LPP: variants seen among roughly 807,000 people sequenced by gnomAD.
LPP encodes the protein lipoma-preferred partner.
LPP carries 38 observed loss-of-function variants against 60.4 expected under a neutral mutation model. That is an observed-to-expected ratio of 0.63 (90% CI 0.49 to 0.83). The LOEUF (loss-of-function observed/expected upper bound fraction) is 0.83. LPP is among the 40% of genes least tolerant of loss of function. LPP has a pLI of 0.00. For missense variants in LPP, 902 were observed against 783.6 expected (o/e 1.15, Z -1.80); for synonymous variants, 328 against 290.8 (o/e 1.13, Z -1.30).
intron 9 of LPP, among the ~76,000 whole-genome samples, chr3:188,859,396 A>G (rs754042055): frequency 6.6e-6 from 1 of 152,148 alleles, no homozygotes; most frequent in Non-Finnish European, 1.5e-5. Context: ...ACCATTCATA[A>G]GTAATTACTC....
rs568990975 is a variant in LPP, at chr3:188,800,307, G to A, written c.1410+40025G>A. On this transcript the variant is annotated intron_variant, in intron 9 of 11. Coordinates refer to ENST00000617246, the MANE Select transcript of LPP (RefSeq NM_001375462.1). ...GTCGCTCAGGCTGGGGTGCAGTGGC[G>A]CGATCTCAGCTCACTGCAAGCTCCA... Among the ~76,000 whole-genome samples, 232 of 144,728 alleles carry A rather than the reference G, an allele frequency of 1.6e-3. 1 individual carries two copies. Among genetic ancestry groups the A allele is most frequent in the South Asian group, 4.4e-3 (20 of 4,542 alleles). The allele number at this position is 144,728 out of a possible 152,430, so 94.9% of individuals were successfully genotyped here.
At chr3:188,415,031 A>G (rs553987482) in intron 4 of LPP, among the ~76,000 whole-genome samples, 5 of 152,262 alleles carry the variant, frequency 3.3e-5, no homozygotes, top group African/African-American at 9.6e-5. Flanking sequence ...AACTACTGAA[A>G]TGAGTTCCTT....
At chr3:188,855,959 G>A (rs1444395241) in intron 9 of LPP, among the ~76,000 whole-genome samples, 1 of 152,124 alleles carries the variant, frequency 6.6e-6, no homozygotes, top group African/African-American at 2.4e-5. Flanking sequence ...GTTTAGTGCT[G>A]GGGTTGGTTA....
intron 1 of LPP, among the ~76,000 whole-genome samples, chr3:188,158,178 GGGCCGCGATTAGA>G (rs1717093601): frequency 6.6e-6 from 1 of 152,086 alleles, no homozygotes; most frequent in Admixed American, 6.6e-5. Context: ...CTTTGACCCT[GGGCCGCGATTAGA>G]GGATCCAAGC....
intron 7 of LPP, among the ~76,000 whole-genome samples, chr3:188,636,204 G>T (rs947155871): frequency 6.6e-6 from 1 of 152,210 alleles, no homozygotes; most frequent in African/African-American, 2.4e-5. Context: ...TGCGCGCACC[G>T]TGTGCGAGCC....
chr3:188,795,329 A>G (rs777087900), intron 9 of LPP, among the ~76,000 whole-genome samples: 3 of 152,106 alleles, frequency 2.0e-5, no homozygotes, highest in Non-Finnish European at 4.4e-5. Context: ...ACACAATGCA[A>G]GTTTATTTTT....
chr3:188,592,557 G>GTTTGTTTTTTGTTTTTTTTTTTT (rs1260656926), intron 6 of LPP, among the ~76,000 whole-genome samples: 1 of 85,756 alleles, frequency 1.2e-5, no homozygotes, highest in African/African-American at 4.5e-5. Flanking sequence ...TTTTGTTTTT[G>GTTTGTTTTTTGTTTTTTTTTTTT]TTTTTTAAAT....
chr3:188,661,943 T>C (rs915792786), intron 7 of LPP, among the ~76,000 whole-genome samples: 2 of 152,240 alleles, frequency 1.3e-5, no homozygotes, highest in Non-Finnish European at 2.9e-5. Context: ...CTTAATTATT[T>C]TGCATTCTTA....
intron 10 of LPP, among the ~76,000 whole-genome samples, chr3:188,868,037 C>T (rs1222451471): frequency 6.6e-6 from 1 of 152,176 alleles, no homozygotes; most frequent in Non-Finnish European, 1.5e-5. Flanking sequence ...CTGAATTAGA[C>T]AAGGAAGGAC....
chr3:188,699,680 A>G (rs1863986651), intron 7 of LPP, among the ~76,000 whole-genome samples: 1 of 152,206 alleles, frequency 6.6e-6, no homozygotes, highest in Non-Finnish European at 1.5e-5. Flanking sequence ...TCTAATCCCA[A>G]GGAGCTGTGA....
At chr3:188,704,053 T>C (rs1389100288) in intron 7 of LPP, among the ~76,000 whole-genome samples, 11 of 152,096 alleles carry the variant, frequency 7.2e-5, no homozygotes, top group Admixed American at 5.9e-4. Context: ...ACTTGCACCA[T>C]TATTATTAGA....
At chr3:188,296,774 G>A (rs1362993882) in intron 2 of LPP, among the ~76,000 whole-genome samples, 1 of 152,194 alleles carries the variant, frequency 6.6e-6, no homozygotes, top group African/African-American at 2.4e-5. Flanking sequence ...GGCACACTGT[G>A]CATAAAGCTC....
At chr3:188,767,402 A>G (rs1337895351) in intron 9 of LPP, among the ~76,000 whole-genome samples, 1 of 152,210 alleles carries the variant, frequency 6.6e-6, no homozygotes. Flanking sequence ...TAATTTAAAA[A>G]TACTGAAGTA....
intron 9 of LPP, among the ~76,000 whole-genome samples, chr3:188,862,436 A>T (rs930658449): frequency 1.3e-5 from 2 of 152,168 alleles, no homozygotes; most frequent in African/African-American, 4.8e-5. Context: ...AAGATTTTTC[A>T]GAAGAGGTGA....
intron 9 of LPP, among the ~76,000 whole-genome samples, chr3:188,800,681 C>G (rs1338939293): frequency 6.6e-6 from 1 of 152,126 alleles, no homozygotes; most frequent in African/African-American, 2.4e-5. Context: ...TGTAAGAATG[C>G]CTGATTCCCC....
intron 4 of LPP, among the ~76,000 whole-genome samples, chr3:188,472,398 A>G (rs893496314): frequency 3.3e-5 from 5 of 152,176 alleles, no homozygotes; most frequent in African/African-American, 4.8e-5. Flanking sequence ...AAAAAAAAAT[A>G]CATGCCAAAA....
intron 7 of LPP, 109 bp from the exon 8 acceptor site, chr3:188,708,158 C>A: frequency 8.0e-7 from 1 of 1,245,106 alleles, no homozygotes. Context: ...TCCTGACAGC[C>A]ACGTCCAGTG....
chr3:188,692,777 G>A, intron 7 of LPP, among the ~76,000 whole-genome samples: 1 of 152,184 alleles, frequency 6.6e-6, no homozygotes, highest in East Asian at 1.9e-4. Flanking sequence ...TAGTTTTTGT[G>A]TTAGAAGCTT....
chr3:188,561,450 C>T (rs1042945975), intron 6 of LPP, among the ~76,000 whole-genome samples: 2 of 152,044 alleles, frequency 1.3e-5, no homozygotes, highest in Non-Finnish European at 2.9e-5. Context: ...ACTTATTAAT[C>T]CACTGAGCTT....
Sources: allele counts gnomAD v4.1 joint callset (sites outside exome capture counted in the v4.1 genomes callset), GRCh38; gene constraint gnomAD v4.1.1; transcripts MANE v1.5; gene names NCBI Gene and HGNC (gene_info 2026-07-23, HGNC 2026-07-21).